The following RNLS variants were observed in gnomAD, a reference collection of about 807,000 sequenced individuals.
RNLS encodes the protein renalase, FAD dependent amine oxidase.
Under a neutral mutation model 39.8 loss-of-function variants are expected in RNLS, and 39 were observed. That is an observed-to-expected ratio of 0.98 (90% confidence interval 0.76 to 1.28). The LOEUF (loss-of-function observed/expected upper bound fraction) is 1.28, where lower values mean the gene tolerates loss of function less well. RNLS is among the 50% of genes most tolerant of loss of function. The pLI, the probability that RNLS is intolerant of heterozygous loss-of-function variation, is 0.00. For missense variants in RNLS, 410 were observed against 413.3 expected (o/e 0.99, Z 0.07); for synonymous variants, 147 against 150.7 (o/e 0.98, Z 0.18).
At chr10:88,540,239 A>T (rs1471810120) in intron 4 of RNLS, among the ~76,000 whole-genome samples, 1 of 152,176 alleles carries the variant, frequency 6.6e-6, no homozygotes, top group Non-Finnish European at 1.5e-5. Flanking sequence ...CTATTAGAAC[A>T]GCAACTGTAT....
chr10:88,460,378 C>T (rs975892703), intron 4 of RNLS, among the ~76,000 whole-genome samples: 3 of 152,118 alleles, frequency 2.0e-5, no homozygotes, highest in African/African-American at 7.2e-5. Context: ...CCTGACTTTT[C>T]GCATAGCTGT....
chr10:88,377,919 T>C (rs773159555), intron 4 of RNLS, among the ~76,000 whole-genome samples: 33 of 152,282 alleles, frequency 2.2e-4, no homozygotes, highest in Non-Finnish European at 3.7e-4. Context: ...ACACATTGCA[T>C]AGCTGTACGA....
the RNLS span, among the ~76,000 whole-genome samples, chr10:88,268,063 G>A: frequency 6.6e-6 from 1 of 152,142 alleles, no homozygotes; most frequent in Admixed American, 6.5e-5. Context: ...TTTATTTTAC[G>A]CTTTTCAAAG....
chr10:88,548,997 T>C (rs1848479829), intron 4 of RNLS, among the ~76,000 whole-genome samples: 2 of 152,016 alleles, frequency 1.3e-5, no homozygotes, highest in Non-Finnish European at 2.9e-5. Context: ...GGTGGAGTGA[T>C]ACTGGCAGGA....
At chr10:88,302,522 A>G (rs571985064) in intron 6 of RNLS, among the ~76,000 whole-genome samples, 7 of 152,324 alleles carry the variant, frequency 4.6e-5, no homozygotes, top group African/African-American at 1.7e-4. Flanking sequence ...AGCCAGTTGT[A>G]TTTCTTTAGT....
chr10:88,456,580 A>T lies in RNLS; in HGVS notation c.527-93855T>A, dbSNP rs1842641313. Among the ~76,000 whole-genome samples, 3 of 152,158 alleles carry T rather than the reference A, an allele frequency of 2.0e-5. No individual in the cohort carries two copies. The South Asian group carries it at 6.2e-4, about 31-fold the overall frequency. Reference sequence around the variant, plus strand: ...GGAAATCAGGTCCTGTGCCTGTGACATCACAGGTAGGGCCGCCCACTATAC... The same window carrying T: ...GGAAATCAGGTCCTGTGCCTGTGACTTCACAGGTAGGGCCGCCCACTATAC... On this transcript the variant is annotated intron_variant, in intron 4 of 6. Coordinates refer to ENST00000331772, the MANE Select transcript of RNLS (RefSeq NM_001031709.3).
intron 4 of RNLS, among the ~76,000 whole-genome samples, chr10:88,388,858 C>T (rs1044578257): frequency 2.6e-5 from 4 of 152,150 alleles, no homozygotes; most frequent in African/African-American, 7.2e-5. Flanking sequence ...ACGTGGTACA[C>T]AGGAGATACT....
intron 6 of RNLS, among the ~76,000 whole-genome samples, chr10:88,285,883 G>T (rs1296503209): frequency 3.3e-5 from 5 of 152,002 alleles, no homozygotes; most frequent in Admixed American, 2.6e-4. Flanking sequence ...ATTTTGGGAG[G>T]TGATTAGATC....
chr10:88,463,043 A>G (rs765517541), intron 4 of RNLS, among the ~76,000 whole-genome samples: 3 of 152,034 alleles, frequency 2.0e-5, no homozygotes, highest in Non-Finnish European at 2.9e-5. Context: ...CATACTGCCT[A>G]TATTTAGATT....
At chr10:88,184,638 T>C in the RNLS span, among the ~76,000 whole-genome samples, 2 of 152,136 alleles carry the variant, frequency 1.3e-5, no homozygotes, top group Admixed American at 1.3e-4. Flanking sequence ...GACCCATCTT[T>C]TGCATAAATA....
chr10:88,456,469 T>C (rs1304476001), intron 4 of RNLS, among the ~76,000 whole-genome samples: 1 of 152,164 alleles, frequency 6.6e-6, no homozygotes, highest in Non-Finnish European at 1.5e-5. Context: ...TGGTGATTAC[T>C]GGCAGATAAC....
At chr10:88,400,803 GAGGGT>G (rs5786818) in intron 4 of RNLS, among the ~76,000 whole-genome samples, 43,740 of 151,414 alleles carry the variant, frequency 0.29, 7,037 homozygotes, top group African/African-American at 0.43. Context: ...CTGCTTATGG[GAGGGT>G]CCTTGTTTCT....
intron 4 of RNLS, among the ~76,000 whole-genome samples, chr10:88,436,236 T>C (rs953575768): frequency 1.3e-5 from 2 of 152,134 alleles, no homozygotes; most frequent in African/African-American, 4.8e-5. Context: ...TAACTTACCT[T>C]TACTAAGTAA....
intron 4 of RNLS, among the ~76,000 whole-genome samples, chr10:88,382,434 C>T (rs574082813): frequency 1.3e-5 from 2 of 152,242 alleles, no homozygotes; most frequent in South Asian, 4.1e-4. Flanking sequence ...TTGAATATAT[C>T]ATCACAGTAG....
chr10:88,433,738 G>A (rs1855277718), intron 4 of RNLS, among the ~76,000 whole-genome samples: 2 of 152,010 alleles, frequency 1.3e-5, no homozygotes, highest in African/African-American at 4.8e-5. Context: ...TTTTTCAGCA[G>A]AGGCAATGGC....
At chr10:88,527,668 T>C (rs1847187139) in intron 4 of RNLS, among the ~76,000 whole-genome samples, 1 of 152,130 alleles carries the variant, frequency 6.6e-6, no homozygotes, top group Admixed American at 6.6e-5. Flanking sequence ...AGGCAATCCC[T>C]CTTCCCCCCA....
intron 4 of RNLS, among the ~76,000 whole-genome samples, chr10:88,368,399 C>T (rs1850283767): frequency 6.6e-6 from 1 of 152,042 alleles, no homozygotes; most frequent in Non-Finnish European, 1.5e-5. Context: ...ACTAGTGCAA[C>T]AATGGCATTC....
At chr10:88,358,763 C>T (rs922418521) in intron 5 of RNLS, among the ~76,000 whole-genome samples, 17 of 152,172 alleles carry the variant, frequency 1.1e-4, no homozygotes, top group African/African-American at 3.9e-4. Flanking sequence ...TACTGTACTA[C>T]CTATTCCTGA....
At chr10:88,322,804 A>G (rs1364646583) in intron 5 of RNLS, among the ~76,000 whole-genome samples, 14 of 152,180 alleles carry the variant, frequency 9.2e-5, no homozygotes, top group Admixed American at 8.5e-4. Flanking sequence ...TGTGAAGAAG[A>G]TATAAAAGTA....
Sources: gnomAD v4.1 joint callset for allele counts (sites outside exome capture counted in the v4.1 genomes callset) on GRCh38, gnomAD v4.1.1 for gene constraint, MANE v1.5 for transcripts, NCBI Gene and HGNC (gene_info 2026-07-23, HGNC 2026-07-21) for gene names.